Variants in COL6A3 observed in about 807,000 individuals in gnomAD.
COL6A3 encodes the protein collagen alpha-3(VI) chain.
COL6A3 carries 137 observed loss-of-function variants against 274.1 expected under a neutral mutation model. The observed-to-expected ratio is 0.50, with a 90% CI of 0.44 to 0.58. COL6A3 has a LOEUF of 0.58. Among genes scored for constraint, COL6A3 ranks in the 20% least tolerant of loss-of-function variants. The pLI is 0.00. For synonymous variants in COL6A3, 1,650 were observed against 1,650.6 expected (o/e 1.00, Z 0.01); for missense variants, 3,950 against 4,124.9 (o/e 0.96, Z 1.16).
chr2:237,349,691 C>T (rs778442631), intron 28 of COL6A3, among the ~76,000 whole-genome samples: 25 of 152,130 alleles, frequency 1.6e-4, no homozygotes, highest in African/African-American at 5.1e-4. Flanking sequence ...ATTTAAAAAA[C>T]GAGTTACTGA....
chr2:237,341,662 A>G (rs2076992780), intron 37 of COL6A3, among the ~76,000 whole-genome samples: 1 of 152,150 alleles, frequency 6.6e-6, no homozygotes, highest in South Asian at 2.1e-4. Flanking sequence ...GATGAAACAA[A>G]TCACTAACCT....
chr2:237,359,413 G>A (rs1190721934), intron 17 of COL6A3, 25 bp from the exon 18 acceptor site: 10 of 1,613,544 alleles, frequency 6.2e-6, no homozygotes, highest in Non-Finnish European at 8.5e-6. Flanking sequence ...GATAGGGGAA[G>A]CATTAGCTTT....
intron 1 of COL6A3, among the ~76,000 whole-genome samples, chr2:237,400,855 C>A (rs927295357): frequency 6.6e-6 from 1 of 152,126 alleles, no homozygotes. Flanking sequence ...CTGACCAAAT[C>A]AACAGCACAT....
At chr2:237,391,199 G>T (rs117963722) in intron 3 of COL6A3, among the ~76,000 whole-genome samples, 1,850 of 151,584 alleles carry the variant, frequency 0.012, 66 homozygotes, top group Admixed American at 0.06. Context: ...GCAGCGGGAC[G>T]TGGTACTAGG....
chr2:237,389,808 G>A (rs1250133980), intron 3 of COL6A3, among the ~76,000 whole-genome samples: 2 of 152,210 alleles, frequency 1.3e-5, no homozygotes, highest in Admixed American at 1.3e-4. Context: ...ACAATGAGTA[G>A]GATAATTGTT....
Position 237,340,720 on chromosome 2 carries a change from G to A in COL6A3, c.8196C>T (p.Asn2732=), listed in dbSNP as rs1354287830. 6.2e-7 allele frequency: 1 copy of A among 1,614,068 alleles called. No individual in the cohort carries two copies. The highest frequency in any genetic ancestry group is 8.5e-7 in the Non-Finnish European group (1 of 1,180,048). Residue 2732 remains asparagine (N), a synonymous_variant, in exon 38 of 44, where the codon AAC becomes AAT. Transcript: ENST00000295550. ...TIENVFESAP[N]PRDLKIVVLM... The stretch of plus-strand genomic sequence containing the variant: ...GGACCACAATTTTCAGGTCCCGTGG[G>A]TTTGGGGCACTTTCAAAGACATTCT...
rs777760544 is a variant in COL6A3, at chr2:237,372,314, C to G, written c.3703G>C (p.Val1235Leu). The G allele has an allele frequency of 3.7e-6, 6 of 1,608,644 alleles. No homozygotes were observed. ...SPGVGGKRDV[V>L]FLIDGSQSAG... ...CTTTGGGACCCATCGATGAGAAAGA[C>G]CACGTCCCTCTTGCCACCAACACCT... The change falls in exon 9 of 44, where the codon GTC (valine) becomes CTC (leucine). Residue 1235 changes from valine to leucine, a missense_variant. By Grantham distance (32) the Val-to-Leu change is conservative. Around this residue, in one of 5 missense-constraint regions of COL6A3, gnomAD observed 1,934 missense variants for 1,984.3 expected, o/e 0.97. Coordinates refer to ENST00000295550, the MANE Select transcript of COL6A3 (RefSeq NM_004369.4).
chr2:237,396,483 C>A (rs1312628740), intron 2 of COL6A3, among the ~76,000 whole-genome samples: 1 of 152,174 alleles, frequency 6.6e-6, no homozygotes, highest in African/African-American at 2.4e-5. Context: ...AAAAACAAAT[C>A]ATTTTCAAGC....
In COL6A3 at chr2:237,331,599, G is replaced by T. The variant is rs1307685488; in HGVS notation, c.9328+1851C>A. Among the ~76,000 whole-genome samples the T allele has an allele frequency of 2.6e-5, 4 of 152,082 alleles. No individual in the cohort carries two copies. In the South Asian group the frequency reaches 6.2e-4, roughly 24 times the overall value. On this transcript the variant is annotated intron_variant, in intron 42 of 43. Coordinates refer to ENST00000295550, the MANE Select transcript of COL6A3 (RefSeq NM_004369.4). ...TAATTCAAAAAGAGCTCTCAAAAAT[G>T]CCATAACTGTGTGTACACCAACATA...
intron 1 of COL6A3, among the ~76,000 whole-genome samples, chr2:237,406,099 C>A (rs2078712316): frequency 6.6e-6 from 1 of 152,154 alleles, no homozygotes; most frequent in Non-Finnish European, 1.5e-5. Flanking sequence ...CGTTTAGTTT[C>A]TATCCCTTTG....
At position 237,350,217 on chromosome 2, in the gene COL6A3, T is replaced by G; in HGVS notation, c.6817-8A>C. ...TGGCTCTCCGGGCTCACCCTAGACA[T>G]GAGAAACATGGCTGAGACCCTGTGG... On this transcript the variant is annotated splice_region_variant and splice_polypyrimidine_tract_variant and intron_variant, in intron 27 of 43. Transcript: ENST00000295550. 1 of 1,614,052 alleles carries G rather than the reference T, an allele frequency of 6.2e-7. No individual in the cohort carries two copies.
At chr2:237,372,714 C>T (rs758617606) in intron 8 of COL6A3, among the ~76,000 whole-genome samples, 1 of 152,038 alleles carries the variant, frequency 6.6e-6, no homozygotes, top group Non-Finnish European at 1.5e-5. Flanking sequence ...GGGGGAGGAG[C>T]AAGGGTGAAT....
At chr2:237,402,711 G>A (rs753868083) in intron 1 of COL6A3, among the ~76,000 whole-genome samples, 13 of 152,302 alleles carry the variant, frequency 8.5e-5, no homozygotes, top group Admixed American at 3.9e-4. Context: ...TCATGAAAGT[G>A]GGAAAGAATC....
Position 237,388,089 on chromosome 2 carries a change from G to T in COL6A3, c.805C>A (p.Leu269Ile). 1 of 1,614,244 alleles carries T rather than the reference G, an allele frequency of 6.2e-7. No individual in the cohort carries two copies. Among genetic ancestry groups the T allele is most frequent in the Non-Finnish European group, 8.5e-7 (1 of 1,180,044 alleles). The stretch of plus-strand genomic sequence containing the variant: ...TGAGTTCCAATTGGGAGTTTCTCAA[G>T]GAGATTTACAAGGAAGTCGAGAATG... Reference protein sequence around the residue: ...AVILDFLVNLLEKLPIGTQQI... With the variant: ...AVILDFLVNLIEKLPIGTQQI... Residue 269 changes from leucine (L) to isoleucine (I), a missense_variant, in exon 4 of 44, where the codon CTT (leucine) becomes ATT (isoleucine). By Grantham distance (5) the Leu-to-Ile change is conservative (BLOSUM62 2). This residue lies in a region of COL6A3 where 1,934 missense variants were observed against 1,984.3 expected (regional missense o/e 0.97). Transcript: ENST00000295550.
intron 24 of COL6A3, among the ~76,000 whole-genome samples, chr2:237,353,940 A>C (rs979509010): frequency 2.0e-5 from 3 of 152,178 alleles, no homozygotes; most frequent in Non-Finnish European, 4.4e-5. Context: ...GCCAAAGGGA[A>C]AAGTCAAGCT....
chr2:237,364,208 C>CACA lies in COL6A3; in HGVS notation c.5917+139_5917+141dup. ...CAGCTCCAAGCAGGTGATGAAGGGC[C>CACA]ACAACGCTGGGAGGAAGAGTCTCCC... On this transcript the variant is annotated intron_variant, in intron 13 of 43. Coordinates refer to ENST00000295550, the MANE Select transcript of COL6A3 (RefSeq NM_004369.4). This position sits in a 1 kb window ranked among gnomAD's most constrained non-coding sequence, Gnocchi z 4.6. 2 of 720,958 alleles carry CACA rather than the reference C, an allele frequency of 2.8e-6. No individual in the cohort carries two copies. 44.7% of individuals were successfully genotyped at this position (720,958 alleles called of 1,614,324 possible).
At chr2:237,342,565 T>G (rs1239709888) in intron 36 of COL6A3, 1 of 221,478 alleles carries the variant, frequency 4.5e-6, no homozygotes, top group Non-Finnish European at 9.2e-6. Context: ...TTCCCCACCC[T>G]CTCAGGTGTG....
Position 237,340,568 on chromosome 2 carries a change from A to G in COL6A3, c.8348T>C (p.Val2783Ala). ...GIGRKVNIKEVYTFASEPNDV... is the reference protein window; with the variant it reads ...GIGRKVNIKEAYTFASEPNDV... ...GTTTGGCTCACTGGCGAAGGTGTAT[A>G]CCTCCTTGATGTTCACCTTCCTGCC... Residue 2783 changes from valine (V) to alanine (A), a missense_variant, in exon 38 of 44, where the codon GTA becomes GCA. Around this residue, in one of 5 missense-constraint regions of COL6A3, gnomAD observed 1,284 missense variants for 1,349.7 expected, o/e 0.95. Transcript: ENST00000295550. 1 of 1,614,096 alleles carries G rather than the reference A, an allele frequency of 6.2e-7. No homozygotes were observed. The highest frequency in any genetic ancestry group is 8.5e-7 in the Non-Finnish European group (1 of 1,180,032).
chr2:237,353,207 T>A, intron 25 of COL6A3, 134 bp downstream of exon 25: 1 of 833,516 alleles, frequency 1.2e-6, no homozygotes, highest in South Asian at 1.5e-5. Context: ...TTGCACAGCA[T>A]TGTGGAAGTA....
Sources: allele counts gnomAD v4.1 joint callset (sites outside exome capture counted in the v4.1 genomes callset), GRCh38; gene constraint gnomAD v4.1.1; regional missense constraint gnomAD v4.1.1; non-coding constraint Gnocchi (gnomAD v3.1); transcripts MANE v1.5; gene names NCBI Gene and HGNC (gene_info 2026-07-23, HGNC 2026-07-21).